Variants in ZNF655 observed in about 807,000 individuals in gnomAD.
The protein encoded by ZNF655 is Vav-interacting Kruppel-like protein 1.
In ZNF655, 3 loss-of-function variants were observed where a neutral mutation model predicts 6.6. The observed-to-expected ratio is 0.46, with a 90% confidence interval of 0.21 to 1.18. The LOEUF is 1.18. Among genes scored for constraint, ZNF655 ranks in the 50% most tolerant of loss-of-function variants. The pLI is 0.24. For missense variants in ZNF655, 526 were observed against 572.3 expected (o/e 0.92, Z 0.83); for synonymous variants, 178 against 195.0 (o/e 0.91, Z 0.73).
intron 2 of ZNF655, chr7:99,564,523 CTGAT>C (rs1584250644): frequency 1.0e-6 from 1 of 985,800 alleles, no homozygotes. Context: ...ATTGCCTTTC[CTGAT>C]TAAGTGTTCC....
At chr7:99,562,156 A>AT (rs772866249) in intron 2 of ZNF655, 1 of 761,948 alleles carries the variant, frequency 1.3e-6, no homozygotes, top group Non-Finnish European at 2.0e-6. Context: ...CCCCAGTGCC[A>AT]TGAGCAAACT....
chr7:99,564,692 T>A (rs746166038), intron 2 of ZNF655: 125 of 984,948 alleles, frequency 1.3e-4, no homozygotes, highest in Non-Finnish European at 1.5e-4. Context: ...AATTACAGAG[T>A]TTCCAACAGT....
intron 2 of ZNF655, among the ~76,000 whole-genome samples, chr7:99,563,708 T>C (rs1803392946): frequency 6.6e-6 from 1 of 152,202 alleles, no homozygotes; most frequent in Non-Finnish European, 1.5e-5. Context: ...TTTTTTTTTT[T>C]CCGTTGGCTT....
chr7:99,572,623 C>G lies in ZNF655; in HGVS notation c.515C>G (p.Ser172Cys). 6.2e-7 allele frequency: 1 copy of G among 1,613,580 alleles called. No homozygotes were observed. The highest frequency in any genetic ancestry group is 8.5e-7 in the Non-Finnish European group (1 of 1,179,846). Residue 172 changes from serine (S) to cysteine (C), a missense_variant, in exon 3 of 3, where the codon TCT becomes TGT. Coordinates refer to ENST00000252713, the MANE Select transcript of ZNF655 (RefSeq NM_138494.3). The stretch of plus-strand genomic sequence containing the variant: ...ATGAGCTTCAACCAGAATTCAGCCT[C>G]TGGTAAACATGAACACTTAAATCTA... Reference protein sequence around the residue: ...YDMSFNQNSASGKHEHLNLTE... With the variant: ...YDMSFNQNSACGKHEHLNLTE...
intron 2 of ZNF655, among the ~76,000 whole-genome samples, chr7:99,562,716 G>T (rs1803297557): frequency 6.6e-6 from 1 of 152,050 alleles, no homozygotes; most frequent in African/African-American, 2.4e-5. Context: ...CCCAGTTCAT[G>T]TTTATGGCCA....
intron 2 of ZNF655, among the ~76,000 whole-genome samples, chr7:99,565,174 T>C (rs1803527242): frequency 1.4e-5 from 2 of 142,676 alleles, no homozygotes; most frequent in East Asian, 4.0e-4. Context: ...GTTGTAAGAC[T>C]TTTTTTTTTT....
chr7:99,573,228 C>T lies in ZNF655; in HGVS notation c.1120C>T (p.His374Tyr), dbSNP rs773328297. ...GGCCTATATTAAACAACAAGGAATT[C>T]ATTTCAGAGAAAAGCCCTATACGTG... is the stretch of plus-strand genomic sequence containing the variant. ...GLAYIKQQGI[H>Y]FREKPYTCSE... The change falls in exon 3 of 3, where the codon CAT (histidine) becomes TAT (tyrosine). Residue 374 changes from histidine (H) to tyrosine (Y), a missense_variant. Transcript: ENST00000252713. The T allele has an allele frequency of 1.2e-6, 2 of 1,614,002 alleles. No homozygotes were observed. The highest frequency in any genetic ancestry group is 2.7e-5 in the African/African-American group (2 of 74,928).
rs767942970 is a variant in ZNF655, at chr7:99,573,580, C to T, written c.1472C>T (p.Ser491Leu). The T allele has an allele frequency of 6.3e-6, 10 of 1,596,896 alleles. No individual in the cohort carries two copies. Among genetic ancestry groups the T allele is most frequent in the Non-Finnish European group, 7.7e-6 (9 of 1,176,442 alleles). ...QHQSIHTKENS is the reference protein window; with the variant it reads ...QHQSIHTKENL ...CAGAGCATTCATACCAAAGAGAACT[C>T]ATGAATGTAATGAAGATGGGAAGAT... The change falls in exon 3 of 3, where the codon TCA becomes TTA. Residue 491 changes from serine (S) to leucine (L), a missense_variant. By Grantham distance (145) the Ser-to-Leu change is moderately radical. Transcript: ENST00000252713.
chr7:99,562,103 C>T (rs1042863780), intron 2 of ZNF655: 8 of 862,584 alleles, frequency 9.3e-6, no homozygotes, highest in Non-Finnish European at 1.2e-5. Context: ...GGGAATTGAT[C>T]CTCTTCGGAG....
intron 2 of ZNF655, chr7:99,563,140 A>T: frequency 2.2e-6 from 1 of 450,746 alleles, no homozygotes; most frequent in Non-Finnish European, 4.5e-6. Flanking sequence ...CCCCATGCTG[A>T]GGTGGGGTCA....
Position 99,574,635 on chromosome 7 carries a change from A to G in ZNF655, c.*1051A>G, listed in dbSNP as rs1435601746. 1 of 152,232 alleles carries G rather than the reference A, an allele frequency of 6.6e-6. No individual in the cohort carries two copies. Among genetic ancestry groups the G allele is most frequent in the Non-Finnish European group, 1.5e-5 (1 of 68,046 alleles). The allele number at this position is 152,232 out of a possible 1,614,324, so 9.4% of individuals were successfully genotyped here. ...TTGAAATTGGTTCTTAGTGTTCACA[A>G]CTTCCATAAGATACTGCTAATGCAC... On this transcript the variant is annotated 3_prime_UTR_variant, in exon 3 of 3. Coordinates refer to ENST00000252713, the MANE Select transcript of ZNF655 (RefSeq NM_138494.3).
At position 99,560,525 on chromosome 7, in the gene ZNF655, C is replaced by G; in HGVS notation, c.-27-8C>G. On this transcript the variant is annotated splice_region_variant and splice_polypyrimidine_tract_variant and intron_variant, in intron 1 of 2. Transcript: ENST00000252713. The stretch of plus-strand genomic sequence containing the variant: ...ATTACAGTAATTTCTCTTAATCTTA[C>G]CTTGCAGTGATGGTCATTGTCCTCC... 1 of 1,606,832 alleles carries G rather than the reference C, an allele frequency of 6.2e-7. No individual in the cohort carries two copies. The highest frequency in any genetic ancestry group is 8.5e-7 in the Non-Finnish European group (1 of 1,175,342).
In ZNF655 at chr7:99,573,652, G is replaced by A. The variant is rs571551210; in HGVS notation, c.*68G>A. 63 of 1,533,322 alleles carry A rather than the reference G, an allele frequency of 4.1e-5. 1 individual carries two copies. The South Asian group carries it at 7.4e-4, about 18-fold the overall frequency. The allele number at this position is 1,533,322 out of a possible 1,614,324, so 95.0% of individuals were successfully genotyped here. A position where few individuals can be genotyped will look rare whatever the true frequency, so the allele number is the denominator to read the frequency against. ...TTCAGCATCTGAGAGTTCACACCAG[G>A]GAGAAATCATGTATGTACTGCATGT... On this transcript the variant is annotated 3_prime_UTR_variant, in exon 3 of 3. Coordinates refer to ENST00000252713, the MANE Select transcript of ZNF655 (RefSeq NM_138494.3).
chr7:99,568,407 C>T (rs1026587511), intron 2 of ZNF655, among the ~76,000 whole-genome samples: 2 of 151,496 alleles, frequency 1.3e-5, no homozygotes, highest in East Asian at 2.0e-4. Flanking sequence ...CCCGCCATCA[C>T]GCCCGGCTAA....
chr7:99,574,225 G>A lies in ZNF655; in HGVS notation c.*641G>A, dbSNP rs1273935053. ...CACATTTCAGGCTTTACCCAACATCGAAATAATGGAGAGAAAATTGTTGAT... is the reference window on the plus strand; with the variant it reads ...CACATTTCAGGCTTTACCCAACATCAAAATAATGGAGAGAAAATTGTTGAT... On this transcript the variant is annotated 3_prime_UTR_variant, in exon 3 of 3. Coordinates refer to ENST00000252713, the MANE Select transcript of ZNF655 (RefSeq NM_138494.3). 2 of 152,154 alleles carry A rather than the reference G, an allele frequency of 1.3e-5. No individual in the cohort carries two copies. Among genetic ancestry groups the A allele is most frequent in the Non-Finnish European group, 2.9e-5 (2 of 68,028 alleles). 9.4% of individuals were successfully genotyped at this position (152,154 alleles called of 1,614,324 possible).
At chr7:99,571,513 G>A (rs1287635439) in intron 2 of ZNF655, 4 of 1,133,990 alleles carry the variant, frequency 3.5e-6, no homozygotes, top group African/African-American at 1.6e-5. Context: ...CATCCCTCTA[G>A]AGCACAAATC....
rs559238289 is a variant in ZNF655 at position 99,568,909 on chromosome 7, C to T, written c.137-3336C>T. Among the ~76,000 whole-genome samples, 9 of 152,244 alleles carry T rather than the reference C, an allele frequency of 5.9e-5. No individual in the cohort carries two copies. The South Asian group carries it at 1.9e-3, about 32-fold the overall frequency. Reference sequence around the variant, plus strand: ...AAGCGATCATTCTGCCTCTGCCTCCCAAGTAGCTGGGACTACAGGCGTGTG... The same window carrying T: ...AAGCGATCATTCTGCCTCTGCCTCCTAAGTAGCTGGGACTACAGGCGTGTG... On this transcript the variant is annotated intron_variant, in intron 2 of 2. Coordinates refer to ENST00000252713, the MANE Select transcript of ZNF655 (RefSeq NM_138494.3).
intron 2 of ZNF655, among the ~76,000 whole-genome samples, chr7:99,566,986 G>A (rs1407516371): frequency 6.6e-6 from 1 of 151,926 alleles, no homozygotes; most frequent in African/African-American, 2.4e-5. Context: ...GTGGCACAAT[G>A]TCAGCTCACT....
At position 99,564,373 on chromosome 7, in the gene ZNF655, C is replaced by G. The variant is rs904826707; in HGVS notation, c.136+3678C>G. 2.8e-6 allele frequency: 3 copies of G among 1,081,286 alleles called. No individual in the cohort carries two copies. In the African/African-American group the frequency reaches 5.0e-5, roughly 18 times the overall value. 67.0% of individuals were successfully genotyped at this position (1,081,286 alleles called of 1,614,324 possible). A position where few individuals can be genotyped will look rare whatever the true frequency, so the allele number is the denominator to read the frequency against. The stretch of plus-strand genomic sequence containing the variant: ...GAACACAACCTGCCCCGTATGGTGC[C>G]TAACTCTCCTGTGAACCCTGGGCTT... On this transcript the variant is annotated intron_variant, in intron 2 of 2. Transcript: ENST00000252713.
Sources: allele counts gnomAD v4.1 joint callset (sites outside exome capture counted in the v4.1 genomes callset), GRCh38; gene constraint gnomAD v4.1.1; transcripts MANE v1.5; gene names NCBI Gene and HGNC (gene_info 2026-07-23, HGNC 2026-07-21).